Variants in TBCEL observed in about 807,000 individuals in gnomAD.
TBCEL encodes the protein tubulin folding cofactor E like.
Under a neutral mutation model 44.2 loss-of-function variants are expected in TBCEL, and 15 were observed. The observed-to-expected ratio is 0.34, with a 90% CI of 0.23 to 0.52. TBCEL has a LOEUF of 0.52. Ranked by LOEUF, TBCEL falls within the 20% of genes least tolerant of loss-of-function variation. The probability of loss-of-function intolerance (pLI) is 0.95; values close to 1 mark genes in which losing one functional copy is unlikely to be tolerated. For missense variants in TBCEL, 319 were observed against 506.3 expected (o/e 0.63, Z 3.55); for synonymous variants, 171 against 185.4 (o/e 0.92, Z 0.63).
chr11:121,049,729 T>C (rs1002701874), intron 4 of TBCEL, among the ~76,000 whole-genome samples: 3 of 151,826 alleles, frequency 2.0e-5, no homozygotes, highest in African/African-American at 4.8e-5. Context: ...GCCTGGACCA[T>C]GTATATAAGC....
At chr11:121,082,204 T>C (rs1313368920) in intron 8 of TBCEL, among the ~76,000 whole-genome samples, 1 of 151,902 alleles carries the variant, frequency 6.6e-6, no homozygotes, top group Non-Finnish European at 1.5e-5. Context: ...CTGGGCACAG[T>C]GTGACTCAGC....
At chr11:121,052,995 T>C (rs1350805822) in intron 4 of TBCEL, among the ~76,000 whole-genome samples, 3 of 151,902 alleles carry the variant, frequency 2.0e-5, no homozygotes, top group African/African-American at 4.8e-5. Context: ...TTACGGATTT[T>C]TTTTTTGTTT....
intron 1 of TBCEL, among the ~76,000 whole-genome samples, chr11:121,027,147 C>G (rs1407576110): frequency 6.6e-6 from 1 of 151,986 alleles, no homozygotes; most frequent in Non-Finnish European, 1.5e-5. Context: ...AATAAGTGAA[C>G]TCTTTATATA....
intron 1 of TBCEL, among the ~76,000 whole-genome samples, chr11:121,031,529 T>C (rs1048272996): frequency 6.6e-6 from 1 of 152,264 alleles, no homozygotes; most frequent in East Asian, 1.9e-4. Context: ...TTAGGTTGTC[T>C]TCCTCCTTCT....
chr11:121,069,433 G>A (rs1276883197), intron 8 of TBCEL, among the ~76,000 whole-genome samples: 1 of 152,138 alleles, frequency 6.6e-6, no homozygotes, highest in Non-Finnish European at 1.5e-5. Flanking sequence ...GGAAGTAAAG[G>A]TACAGAGGTA....
intron 1 of TBCEL, among the ~76,000 whole-genome samples, chr11:121,031,456 T>C (rs1280556929): frequency 3.9e-5 from 6 of 152,184 alleles, no homozygotes; most frequent in Non-Finnish European, 5.9e-5. Flanking sequence ...CTTTTACATA[T>C]GTTAAACATT....
chr11:121,047,690 T>C (rs762828486), intron 4 of TBCEL, 23 bp downstream of exon 4: 2 of 1,610,412 alleles, frequency 1.2e-6, no homozygotes, highest in East Asian at 2.2e-5. Context: ...TATTGCTACA[T>C]TTTAGTGAAA....
intron 6 of TBCEL, among the ~76,000 whole-genome samples, chr11:121,056,021 G>A (rs977438222): frequency 6.6e-6 from 1 of 151,668 alleles, no homozygotes; most frequent in African/African-American, 2.4e-5. Flanking sequence ...TTACCTTAGG[G>A]TTCACTATTG....
intron 8 of TBCEL, among the ~76,000 whole-genome samples, chr11:121,064,917 C>T (rs1945791367): frequency 1.3e-5 from 2 of 152,084 alleles, no homozygotes; most frequent in African/African-American, 4.8e-5. Context: ...AGCTCTGCCT[C>T]CCGGGTTCAC....
intron 3 of TBCEL, among the ~76,000 whole-genome samples, chr11:121,047,288 A>G (rs768950112): frequency 5.3e-5 from 8 of 152,010 alleles, no homozygotes; most frequent in Non-Finnish European, 1.2e-4. Flanking sequence ...CTATGAGTTA[A>G]AGCCTAGAGG....
intron 8 of TBCEL, among the ~76,000 whole-genome samples, chr11:121,081,028 C>T (rs973254144): frequency 6.6e-6 from 1 of 152,200 alleles, no homozygotes; most frequent in Non-Finnish European, 1.5e-5. Flanking sequence ...TTCAACCCCA[C>T]ACTGCTGGTA....
In TBCEL at chr11:121,050,912, T is replaced by C. The variant is rs1241046263; in HGVS notation, c.274-2639T>C. On this transcript the variant is annotated intron_variant, in intron 4 of 8. Coordinates refer to ENST00000683345, the MANE Select transcript of TBCEL (RefSeq NM_001363644.2). ...AGGAGTCTTTTTTATTTTTAGAATTTAAAAAAGAGAAGTCAATATACTGCC... is the reference window on the plus strand; with the variant it reads ...AGGAGTCTTTTTTATTTTTAGAATTCAAAAAAGAGAAGTCAATATACTGCC... Among the ~76,000 whole-genome samples, 6 of 151,592 alleles carry C rather than the reference T, an allele frequency of 4.0e-5. No homozygotes were observed. In the East Asian group the frequency reaches 1.2e-3, roughly 29 times the overall value.
intron 1 of TBCEL, among the ~76,000 whole-genome samples, chr11:121,025,166 A>G (rs1282691699): frequency 1.3e-5 from 2 of 152,218 alleles, no homozygotes; most frequent in African/African-American, 4.8e-5. Context: ...CTAGGCTACA[A>G]AGAGCTTGTA....
At chr11:121,079,281 G>A (rs1242800439) in intron 8 of TBCEL, among the ~76,000 whole-genome samples, 1 of 152,176 alleles carries the variant, frequency 6.6e-6, no homozygotes, top group Non-Finnish European at 1.5e-5. Flanking sequence ...GAGCCCAGGA[G>A]TGAATTTTTA....
At chr11:121,057,236 C>T (rs1945638262) in intron 6 of TBCEL, among the ~76,000 whole-genome samples, 2 of 151,726 alleles carry the variant, frequency 1.3e-5, no homozygotes. Flanking sequence ...TGTCTTTACC[C>T]TTGCTGAAGG....
At chr11:121,083,000 A>G (rs893721846) in intron 8 of TBCEL, among the ~76,000 whole-genome samples, 3 of 152,130 alleles carry the variant, frequency 2.0e-5, no homozygotes, top group Non-Finnish European at 2.9e-5. Context: ...TCCACACTCT[A>G]TCTACTAGAT....
At position 121,084,283 on chromosome 11, in the gene TBCEL, T is replaced by C. The variant is rs192469408; in HGVS notation, c.957-2495T>C. On this transcript the variant is annotated intron_variant, in intron 8 of 8. Coordinates refer to ENST00000683345, the MANE Select transcript of TBCEL (RefSeq NM_001363644.2). Reference sequence around the variant, plus strand: ...TTATTTGGGTCTGTGGTGGTGGTGGTTTGCTCCTCAGTTTGTTTCTTTAGC... The same window carrying C: ...TTATTTGGGTCTGTGGTGGTGGTGGCTTGCTCCTCAGTTTGTTTCTTTAGC... Among the ~76,000 whole-genome samples, 775 of 152,296 alleles carry C rather than the reference T, an allele frequency of 5.1e-3. 5 individuals carry two copies. The highest frequency in any genetic ancestry group is 9.4e-3 in the Non-Finnish European group (637 of 68,020).
rs183005296 is a variant in TBCEL, at chr11:121,042,978, A to T, written c.-17-2696A>T. Among the ~76,000 whole-genome samples, 9 of 152,252 alleles carry T rather than the reference A, an allele frequency of 5.9e-5. No individual in the cohort carries two copies. The East Asian group carries it at 1.2e-3, about 20-fold the overall frequency. ...ACTACAACTTCCTCTTAGAATTAAC[A>T]TTTATATATTTTAGAACTTTACAAT... On this transcript the variant is annotated intron_variant, in intron 2 of 8. Coordinates refer to ENST00000683345, the MANE Select transcript of TBCEL (RefSeq NM_001363644.2).
At chr11:121,055,659 C>A (rs1391738394) in intron 6 of TBCEL, among the ~76,000 whole-genome samples, 8 of 151,798 alleles carry the variant, frequency 5.3e-5, no homozygotes, top group Non-Finnish European at 1.2e-4. Context: ...TTTAAGAAAT[C>A]CCAACCTGCT....
Sources: gnomAD v4.1 joint callset for allele counts (sites outside exome capture counted in the v4.1 genomes callset) on GRCh38, gnomAD v4.1.1 for gene constraint, MANE v1.5 for transcripts, NCBI Gene and HGNC (gene_info 2026-07-23, HGNC 2026-07-21) for gene names.